Variants in GLMN observed in about 807,000 individuals in gnomAD.
GLMN encodes glomulin, FKBP associated protein.
A neutral mutation model predicts 87.8 loss-of-function variants in GLMN; 75 were observed. The observed-to-expected ratio is 0.85, with a 90% CI of 0.71 to 1.04. The LOEUF is 1.04. Ranked by LOEUF, GLMN falls within the 50% of genes least tolerant of loss-of-function variation. The probability of loss-of-function intolerance (pLI) is 0.00; values close to 1 mark genes in which losing one functional copy is unlikely to be tolerated. For synonymous variants in GLMN, 206 were observed against 221.6 expected (o/e 0.93, Z 0.63); for missense variants, 588 against 658.8 (o/e 0.89, Z 1.18).
intron 16 of GLMN, among the ~76,000 whole-genome samples, chr1:92,254,836 T>C (rs974145934): frequency 1.3e-5 from 2 of 152,132 alleles, no homozygotes; most frequent in African/African-American, 4.8e-5. Flanking sequence ...ATCGACACTA[T>C]GAAGAAACTG....
At chr1:92,325,344 T>G in the GLMN span, among the ~76,000 whole-genome samples, 1 of 152,100 alleles carries the variant, frequency 6.6e-6, no homozygotes, top group Non-Finnish European at 1.5e-5. Context: ...AGAAATATAT[T>G]TCTATAGAGT....
At chr1:92,325,066 T>G in the GLMN span, among the ~76,000 whole-genome samples, 1 of 152,316 alleles carries the variant, frequency 6.6e-6, no homozygotes, top group South Asian at 2.1e-4. Flanking sequence ...GACATATAAT[T>G]GGTACTCAGT....
intron 3 of GLMN, among the ~76,000 whole-genome samples, chr1:92,296,023 A>T (rs1247771547): frequency 6.6e-6 from 1 of 152,190 alleles, no homozygotes; most frequent in Non-Finnish European, 1.5e-5. Context: ...CATGTATCAA[A>T]AACTAAATAA....
At chr1:92,277,115 C>T (rs1647384063) in intron 7 of GLMN, among the ~76,000 whole-genome samples, 1 of 152,118 alleles carries the variant, frequency 6.6e-6, no homozygotes, top group African/African-American at 2.4e-5. Flanking sequence ...CTCAAATCTG[C>T]CCTTTCTTCA....
At chr1:92,338,133 C>T in the GLMN span, among the ~76,000 whole-genome samples, 3 of 151,856 alleles carry the variant, frequency 2.0e-5, no homozygotes, top group Non-Finnish European at 4.4e-5. Context: ...AAAACAAGCA[C>T]ATAAAGACAT....
intron 16 of GLMN, among the ~76,000 whole-genome samples, chr1:92,257,809 C>G (rs748830122): frequency 2.0e-5 from 3 of 151,950 alleles, no homozygotes; most frequent in African/African-American, 7.3e-5. Flanking sequence ...CCATAAAAAC[C>G]CTAGAAGAAA....
intron 8 of GLMN, among the ~76,000 whole-genome samples, 162 bp downstream of exon 8, chr1:92,271,303 T>A (rs1050066226): frequency 6.6e-6 from 1 of 152,238 alleles, no homozygotes; most frequent in Non-Finnish European, 1.5e-5. Flanking sequence ...TCTACTGCTA[T>A]CTTTAACAGA....
chr1:92,359,994 G>A, the GLMN span, among the ~76,000 whole-genome samples: 1 of 37,476 alleles, frequency 2.7e-5, no homozygotes, highest in Admixed American at 2.8e-4. Context: ...TCACAATTCA[G>A]TCTGGTAATT....
chr1:92,263,530 G>A (rs1655272350), intron 15 of GLMN, 93 bp downstream of exon 15: 2 of 778,066 alleles, frequency 2.6e-6, no homozygotes, highest in Non-Finnish European at 4.8e-6. Flanking sequence ...TAAAATCACA[G>A]GAAAAGACAT....
At chr1:92,256,724 T>C (rs532343754) in intron 16 of GLMN, among the ~76,000 whole-genome samples, 56 of 152,282 alleles carry the variant, frequency 3.7e-4, no homozygotes, top group African/African-American at 1.2e-3. Flanking sequence ...CTAAAAACTC[T>C]CAATAAACTA....
intron 3 of GLMN, among the ~76,000 whole-genome samples, chr1:92,296,969 C>G (rs1448746997): frequency 6.6e-6 from 1 of 152,174 alleles, no homozygotes; most frequent in Non-Finnish European, 1.5e-5. Flanking sequence ...TTTTTGGACT[C>G]CCTAAACCAG....
At chr1:92,315,489 A>G in the GLMN span, among the ~76,000 whole-genome samples, 1 of 152,248 alleles carries the variant, frequency 6.6e-6, no homozygotes, top group Non-Finnish European at 1.5e-5. Context: ...TACCACAAAC[A>G]TTCAATTTGT....
chr1:92,303,885 G>A, upstream of GLMN: 4 of 771,530 alleles, frequency 5.2e-6, no homozygotes, highest in Non-Finnish European at 8.2e-6. Context: ...TGCTATCCCT[G>A]TGTTTTCAGA....
chr1:92,275,138 C>G (rs1477471445), intron 7 of GLMN, among the ~76,000 whole-genome samples: 1 of 152,208 alleles, frequency 6.6e-6, no homozygotes, highest in Non-Finnish European at 1.5e-5. Context: ...CTCATGCTTC[C>G]GTGGTCTTCC....
intron 6 of GLMN, 29 bp from the exon 7 acceptor site, chr1:92,286,621 A>C: frequency 9.8e-7 from 1 of 1,018,976 alleles, no homozygotes; most frequent in Non-Finnish European, 1.6e-6. Context: ...GTAACTATGA[A>C]ATCAACACTT....
rs201102096 is a variant in GLMN at position 92,269,821 on chromosome 1, G to C, written c.924-45C>G. 53 of 1,197,574 alleles carry C rather than the reference G, an allele frequency of 4.4e-5. 1 individual carries two copies. The highest frequency in any genetic ancestry group is 3.3e-4 in the East Asian group (14 of 42,722). 74.2% of individuals were successfully genotyped at this position (1,197,574 alleles called of 1,614,324 possible). On this transcript the variant is annotated intron_variant, in intron 8 of 18. Coordinates refer to ENST00000370360, the MANE Select transcript of GLMN (RefSeq NM_053274.3). ...AATATATATATTATACACACACACA[G>C]AGATATGTACACACATACATATTGT...
intron 16 of GLMN, among the ~76,000 whole-genome samples, chr1:92,253,224 CT>C (rs1290306767): frequency 1.3e-5 from 2 of 152,168 alleles, no homozygotes; most frequent in Non-Finnish European, 2.9e-5. Context: ...TAGATTCCTC[CT>C]CTCTCTGGGC....
chr1:92,352,119 C>T, the GLMN span, among the ~76,000 whole-genome samples: 2 of 152,126 alleles, frequency 1.3e-5, no homozygotes, highest in African/African-American at 4.8e-5. Context: ...CTTTCAAGAC[C>T]ATCTCCAAAA....
intron 16 of GLMN, among the ~76,000 whole-genome samples, chr1:92,251,509 T>C (rs1469064642): frequency 6.6e-6 from 1 of 152,132 alleles, no homozygotes; most frequent in African/African-American, 2.4e-5. Flanking sequence ...CTACAAGAAA[T>C]TACCTTTGTG....
Sources: allele counts gnomAD v4.1 joint callset (sites outside exome capture counted in the v4.1 genomes callset), GRCh38; gene constraint gnomAD v4.1.1; transcripts MANE v1.5; gene names NCBI Gene and HGNC (gene_info 2026-07-23, HGNC 2026-07-21).